Variants in RCAN2 observed in about 807,000 individuals in gnomAD.
RCAN2 encodes the protein regulator of calcineurin 2, also known as calcipressin-2.
In RCAN2, 9 loss-of-function variants were observed where a neutral mutation model predicts 23.6. The ratio of observed to expected loss-of-function variants is 0.38; its 90% CI spans 0.23 to 0.67. The LOEUF is 0.67. Among genes scored for constraint, RCAN2 ranks in the 30% least tolerant of loss-of-function variants. RCAN2 has a pLI of 0.51. For missense variants in RCAN2, 273 were observed against 302.3 expected (o/e 0.90, Z 0.72); for synonymous variants, 109 against 115.7 (o/e 0.94, Z 0.37).
intron 2 of RCAN2, among the ~76,000 whole-genome samples, chr6:46,323,414 C>T (rs1318654822): frequency 1.3e-5 from 2 of 151,798 alleles, no homozygotes; most frequent in African/African-American, 4.8e-5. Context: ...AGAAAAAAGC[C>T]CATGATGATT....
chr6:46,229,482 T>G (rs1257086818), intron 4 of RCAN2, among the ~76,000 whole-genome samples: 1 of 152,206 alleles, frequency 6.6e-6, no homozygotes, highest in Non-Finnish European at 1.5e-5. Flanking sequence ...TTATTCTTTT[T>G]TCTCTAAACT....
chr6:46,361,239 G>T (rs1765003628), intron 2 of RCAN2, among the ~76,000 whole-genome samples: 2 of 152,188 alleles, frequency 1.3e-5, no homozygotes, highest in South Asian at 4.1e-4. Flanking sequence ...AGGAGAGTCT[G>T]CATGTAATGA....
At chr6:46,308,104 T>A (rs895430026) in intron 2 of RCAN2, among the ~76,000 whole-genome samples, 2 of 152,122 alleles carry the variant, frequency 1.3e-5, no homozygotes, top group East Asian at 3.9e-4. Context: ...GACAACCCAG[T>A]TTGGATCTCA....
At chr6:46,253,348 A>AT (rs1561829506) in intron 2 of RCAN2, among the ~76,000 whole-genome samples, 1 of 152,190 alleles carries the variant, frequency 6.6e-6, no homozygotes, top group Non-Finnish European at 1.5e-5. Flanking sequence ...CATTTCATTC[A>AT]TTTTTGAGAA....
intron 2 of RCAN2, among the ~76,000 whole-genome samples, chr6:46,357,417 G>T (rs9395178): frequency 0.018 from 2,778 of 152,128 alleles, 59 homozygotes; most frequent in South Asian, 0.12. Context: ...ATATGGGTAA[G>T]TTATTAGTAA....
chr6:46,468,494 C>A (rs776802832), intron 1 of RCAN2, among the ~76,000 whole-genome samples: 1 of 152,192 alleles, frequency 6.6e-6, no homozygotes, highest in Non-Finnish European at 1.5e-5. Context: ...ACAGCCGCGC[C>A]AACGCCAGCA....
intron 2 of RCAN2, among the ~76,000 whole-genome samples, chr6:46,310,221 G>A (rs1223997222): frequency 6.6e-6 from 1 of 152,094 alleles, no homozygotes; most frequent in Non-Finnish European, 1.5e-5. Context: ...TTCCATGCCT[G>A]AGTAATGACA....
At chr6:46,407,551 G>GA (rs1377570416) in intron 2 of RCAN2, among the ~76,000 whole-genome samples, 2 of 152,194 alleles carry the variant, frequency 1.3e-5, no homozygotes, top group African/African-American at 4.8e-5. Flanking sequence ...TTGGAAAAAT[G>GA]AAAGAGCTCG....
intron 2 of RCAN2, among the ~76,000 whole-genome samples, chr6:46,384,067 A>C (rs1441662752): frequency 6.6e-6 from 1 of 152,182 alleles, no homozygotes; most frequent in Admixed American, 6.5e-5. Flanking sequence ...CAGTAGCTGC[A>C]TCTCCTTTCT....
At chr6:46,393,249 G>T (rs1765985114) in intron 2 of RCAN2, among the ~76,000 whole-genome samples, 2 of 152,062 alleles carry the variant, frequency 1.3e-5, no homozygotes, top group Non-Finnish European at 2.9e-5. Context: ...TTTGGGGTTG[G>T]TGTCTATGCA....
chr6:46,439,402 T>C (rs1308108506), intron 2 of RCAN2, among the ~76,000 whole-genome samples: 2 of 152,254 alleles, frequency 1.3e-5, no homozygotes, highest in Non-Finnish European at 2.9e-5. Context: ...TTTCTTATTA[T>C]AGTTTATGTG....
chr6:46,320,663 T>C (rs1219136335), intron 2 of RCAN2, among the ~76,000 whole-genome samples: 1 of 152,164 alleles, frequency 6.6e-6, no homozygotes, highest in East Asian at 1.9e-4. Context: ...TGTTGAGAAA[T>C]TCTCAAAAGC....
intron 2 of RCAN2, among the ~76,000 whole-genome samples, chr6:46,304,738 C>G (rs1182542163): frequency 6.6e-6 from 1 of 151,948 alleles, no homozygotes; most frequent in East Asian, 1.9e-4. Flanking sequence ...CAAGGACTTA[C>G]AATTGGGGTA....
At chr6:46,405,815 G>A (rs890504994) in intron 2 of RCAN2, among the ~76,000 whole-genome samples, 4 of 152,210 alleles carry the variant, frequency 2.6e-5, no homozygotes, top group South Asian at 2.1e-4. Context: ...GTGGAGCAGG[G>A]GGTGGTGCTC....
At chr6:46,461,933 C>G (rs183119836) in intron 1 of RCAN2, among the ~76,000 whole-genome samples, 5 of 152,266 alleles carry the variant, frequency 3.3e-5, no homozygotes, top group African/African-American at 1.2e-4. Context: ...ATGGCCTTGC[C>G]TACCTTACAG....
intron 2 of RCAN2, among the ~76,000 whole-genome samples, chr6:46,435,332 T>C (rs1767335643): frequency 6.6e-6 from 1 of 152,250 alleles, no homozygotes; most frequent in Admixed American, 6.5e-5. Flanking sequence ...GAACTGTCAC[T>C]TTTCATGTGG....
intron 2 of RCAN2, among the ~76,000 whole-genome samples, chr6:46,359,899 C>T (rs896172277): frequency 2.6e-5 from 4 of 152,084 alleles, no homozygotes; most frequent in African/African-American, 7.2e-5. Flanking sequence ...GTTTCCAGAC[C>T]TAAAGGAACA....
At chr6:46,440,114 A>C (rs1767491375) in intron 2 of RCAN2, among the ~76,000 whole-genome samples, 1 of 152,248 alleles carries the variant, frequency 6.6e-6, no homozygotes, top group African/African-American at 2.4e-5. Flanking sequence ...AAGCCTTCAG[A>C]GTTCAAAATC....
intron 2 of RCAN2, among the ~76,000 whole-genome samples, chr6:46,284,940 C>A (rs1401343864): frequency 6.6e-6 from 1 of 152,222 alleles, no homozygotes; most frequent in African/African-American, 2.4e-5. Context: ...CTGATTCTTT[C>A]AACCTTCATT....
Sources: gnomAD v4.1 joint callset for allele counts (sites outside exome capture counted in the v4.1 genomes callset) on GRCh38, gnomAD v4.1.1 for gene constraint, MANE v1.5 for transcripts, NCBI Gene and HGNC (gene_info 2026-07-23, HGNC 2026-07-21) for gene names.